The following GLIS3 variants were observed in gnomAD, a reference collection of about 807,000 sequenced individuals.
GLIS3 encodes the protein zinc finger protein GLIS3.
In GLIS3, 53 loss-of-function variants were observed where a neutral mutation model predicts 78.6. That is an observed-to-expected ratio of 0.67 (90% CI 0.54 to 0.85). GLIS3 has a LOEUF of 0.85. Among genes scored for constraint, GLIS3 ranks in the 40% least tolerant of loss-of-function variants. The pLI, the probability that GLIS3 is intolerant of heterozygous loss-of-function variation, is 0.00. For missense variants in GLIS3, 1,703 were observed against 1,231.1 expected, an observed-to-expected ratio of 1.38 and a Z score of -5.74; for synonymous variants, 684 against 509.9, an observed-to-expected ratio of 1.34 and a Z score of -4.60.
chr9:4,204,458 G>C (rs979411972), intron 2 of GLIS3, among the ~76,000 whole-genome samples: 1 of 152,112 alleles, frequency 6.6e-6, no homozygotes, highest in African/African-American at 2.4e-5. Flanking sequence ...AAAAGCAAGG[G>C]GAGGAAGAAA....
At chr9:4,344,174 C>G (rs1160145751) in intron 2 of GLIS3, among the ~76,000 whole-genome samples, 1 of 152,134 alleles carries the variant, frequency 6.6e-6, no homozygotes, top group African/African-American at 2.4e-5. Flanking sequence ...CTCTGGTCCC[C>G]TTTACAGCAA....
intron 2 of GLIS3, among the ~76,000 whole-genome samples, chr9:4,265,885 G>A (rs1305324306): frequency 6.7e-6 from 1 of 148,378 alleles, no homozygotes; most frequent in Non-Finnish European, 1.5e-5. Context: ...TTAGTAAAAT[G>A]CACTCACCCT....
chr9:4,331,605 A>C (rs1407420484), intron 2 of GLIS3, among the ~76,000 whole-genome samples: 6 of 152,236 alleles, frequency 3.9e-5, no homozygotes, highest in Non-Finnish European at 8.8e-5. Flanking sequence ...TGGAGCCTGT[A>C]CTTGAGCGAC....
intron 4 of GLIS3, among the ~76,000 whole-genome samples, chr9:4,057,450 A>T (rs184102164): frequency 9.7e-4 from 147 of 152,324 alleles, no homozygotes; most frequent in Non-Finnish European, 1.1e-3. Flanking sequence ...AAAAACAGGT[A>T]ACAATGCACA....
intron 2 of GLIS3, among the ~76,000 whole-genome samples, chr9:4,338,024 CTGTGTGTGTGTGTGTGTG>C (rs74777663): frequency 0.3 from 42,137 of 139,016 alleles, 6,827 homozygotes; most frequent in Non-Finnish European, 0.37. Flanking sequence ...ATTGGCAAGG[CTGTGTGTGTGTGTGTGTG>C]TGTGTGTGTG....
intron 9 of GLIS3, among the ~76,000 whole-genome samples, chr9:3,841,269 T>C (rs898489546): frequency 3.3e-5 from 5 of 152,310 alleles, no homozygotes; most frequent in South Asian, 4.1e-4. Context: ...TATACAGTTA[T>C]AGTAAAATGG....
chr9:4,265,235 G>C (rs546394056), intron 2 of GLIS3, among the ~76,000 whole-genome samples: 5 of 151,822 alleles, frequency 3.3e-5, no homozygotes, highest in Non-Finnish European at 7.4e-5. Context: ...CTGGTGAAAG[G>C]TGATAGGAAA....
intron 4 of GLIS3, among the ~76,000 whole-genome samples, chr9:4,054,924 C>A (rs772804955): frequency 2.0e-5 from 3 of 152,154 alleles, no homozygotes; most frequent in Non-Finnish European, 4.4e-5. Context: ...AAATAATGGT[C>A]TCCCAAGTCT....
intron 2 of GLIS3, among the ~76,000 whole-genome samples, chr9:4,190,425 G>T (rs2131215456): frequency 6.6e-6 from 1 of 150,466 alleles, no homozygotes. Context: ...TGGAAGAAAG[G>T]GTATCAGTGA....
chr9:3,826,895 A>C lies in GLIS3; in HGVS notation c.*1377T>G, dbSNP rs1345345551. 6.6e-6 allele frequency: 1 copy of C among 152,206 alleles called. No individual in the cohort carries two copies. Among genetic ancestry groups the C allele is most frequent in the African/African-American group, 2.4e-5 (1 of 41,448 alleles). 9.4% of individuals were successfully genotyped at this position (152,206 alleles called of 1,614,324 possible). Reference sequence around the variant, plus strand: ...CTTACTGTGTCTTTGGGACTGGCCAATTTTTATAGCTGATGCCCTAGGACT... The same window carrying C: ...CTTACTGTGTCTTTGGGACTGGCCACTTTTTATAGCTGATGCCCTAGGACT... On this transcript the variant is annotated 3_prime_UTR_variant, in exon 11 of 11. Transcript: ENST00000381971.
intron 2 of GLIS3, among the ~76,000 whole-genome samples, chr9:4,140,594 G>T (rs1000527509): frequency 6.6e-6 from 1 of 152,062 alleles, no homozygotes; most frequent in African/African-American, 2.4e-5. Flanking sequence ...CTTCCTCCCA[G>T]AAGTCCCCCA....
intron 6 of GLIS3, among the ~76,000 whole-genome samples, chr9:3,899,904 G>C (rs940311643): frequency 6.6e-6 from 1 of 152,190 alleles, no homozygotes; most frequent in Non-Finnish European, 1.5e-5. Context: ...GGAGAAGCGA[G>C]ACAGTGAGTA....
intron 4 of GLIS3, among the ~76,000 whole-genome samples, chr9:4,114,927 A>G (rs1586710162): frequency 1.3e-5 from 2 of 152,342 alleles, no homozygotes; most frequent in South Asian, 4.1e-4. Context: ...TCTGCCACCC[A>G]GAATCCTGAA....
chr9:3,982,285 C>G (rs1424736778), intron 4 of GLIS3, among the ~76,000 whole-genome samples: 2 of 151,762 alleles, frequency 1.3e-5, no homozygotes, highest in Non-Finnish European at 2.9e-5. Context: ...CTTATTGTCT[C>G]TTTTTTCACT....
intron 2 of GLIS3, among the ~76,000 whole-genome samples, chr9:4,255,568 G>A (rs1216365606): frequency 6.6e-6 from 1 of 152,206 alleles, no homozygotes; most frequent in Non-Finnish European, 1.5e-5. Flanking sequence ...GACAAGATAT[G>A]TAGAAAACTT....
chr9:4,286,317 T>A lies in GLIS3; in HGVS notation c.109A>T (p.Thr37Ser). ...CTGCCACAGGGCGAGGGGCCAGGAG[T>A]CCCGGAGTGGGCTCGGATGGCAGGA... ...HIPAIRAHSGTPGPSPCGSTS... is the reference protein window; with the variant it reads ...HIPAIRAHSGSPGPSPCGSTS... The change falls in exon 2 of 11, where the codon ACT (threonine) becomes TCT (serine). Residue 37 changes from threonine to serine, a missense_variant. Thr to Ser is a moderately conservative substitution (Grantham distance 58, BLOSUM62 1). Coordinates refer to ENST00000381971, the MANE Select transcript of GLIS3 (RefSeq NM_001042413.2). 1 of 1,614,090 alleles carries A rather than the reference T, an allele frequency of 6.2e-7. No homozygotes were observed. Among genetic ancestry groups the A allele is most frequent in the Non-Finnish European group, 8.5e-7 (1 of 1,179,950 alleles).
chr9:3,995,761 CAA>C, intron 4 of GLIS3, among the ~76,000 whole-genome samples: 1 of 151,694 alleles, frequency 6.6e-6, no homozygotes, highest in East Asian at 1.9e-4. Flanking sequence ...TGGAATGCAG[CAA>C]AGAGACAAAG....
Position 3,828,384 on chromosome 9 carries a change from G to C in GLIS3, c.2681C>G (p.Ser894Trp). ...GCGGAGAGACTCCCCAAAGAGGCTC[G>C]AGGAACTTGAAGGTAAATCATACAC... The part of the protein sequence containing the change: ...ITVYDLPSSS[S>W]SLFGESLRSG... Residue 894 changes from serine (S) to tryptophan (W), a missense_variant, in exon 11 of 11, where the codon TCG becomes TGG. Coordinates refer to ENST00000381971, the MANE Select transcript of GLIS3 (RefSeq NM_001042413.2). 1.2e-6 allele frequency: 2 copies of C among 1,613,436 alleles called. No homozygotes were observed. Among genetic ancestry groups the C allele is most frequent in the East Asian group, 2.2e-5 (1 of 44,856 alleles).
At chr9:3,960,248 G>C (rs1248154729) in intron 4 of GLIS3, among the ~76,000 whole-genome samples, 1 of 152,168 alleles carries the variant, frequency 6.6e-6, no homozygotes, top group Non-Finnish European at 1.5e-5. Flanking sequence ...AAGCTAAAGA[G>C]AGAAGAGCCT....
Sources: gnomAD v4.1 joint callset for allele counts (sites outside exome capture counted in the v4.1 genomes callset) on GRCh38, gnomAD v4.1.1 for gene constraint, MANE v1.5 for transcripts, NCBI Gene and HGNC (gene_info 2026-07-23, HGNC 2026-07-21) for gene names.